The following VPS8 variants were observed in gnomAD, a reference collection of about 807,000 sequenced individuals.
The protein encoded by VPS8 is VPS8 subunit of CORVET complex.
VPS8 carries 129 observed loss-of-function variants against 216.4 expected under a neutral mutation model. The ratio of observed to expected loss-of-function variants is 0.60; its 90% CI spans 0.52 to 0.69. The LOEUF is 0.69. Among genes scored for constraint, VPS8 ranks in the 30% least tolerant of loss-of-function variants. The pLI is 0.00. For missense variants in VPS8, 1,531 were observed against 1,683.5 expected, an observed-to-expected ratio of 0.91 and a Z score of 1.59; for synonymous variants, 571 against 565.4, an observed-to-expected ratio of 1.01 and a Z score of -0.14.
intron 45 of VPS8, among the ~76,000 whole-genome samples, chr3:185,005,744 A>AT (rs1201762490): frequency 2.6e-5 from 4 of 151,668 alleles, no homozygotes; most frequent in East Asian, 1.9e-4. Context: ...GGGTATGTTA[A>AT]TTTTTTATCC....
intron 25 of VPS8, among the ~76,000 whole-genome samples, chr3:184,904,266 C>G (rs1239951899): frequency 1.3e-5 from 2 of 152,106 alleles, no homozygotes; most frequent in Non-Finnish European, 2.9e-5. Flanking sequence ...CAGTGTTGAA[C>G]AGAAGTGGCA....
intron 3 of VPS8, among the ~76,000 whole-genome samples, chr3:184,829,593 A>G (rs540181159): frequency 1.5e-4 from 23 of 152,248 alleles, no homozygotes; most frequent in Middle Eastern, 3.4e-3. Context: ...CAGCTTTGGT[A>G]TATATTGGCA....
At chr3:185,027,849 G>A (rs548431445) in intron 46 of VPS8, among the ~76,000 whole-genome samples, 4 of 152,228 alleles carry the variant, frequency 2.6e-5, no homozygotes, top group South Asian at 2.1e-4. Flanking sequence ...CAAGTGGCCC[G>A]GGCAGCATTC....
At chr3:184,980,667 A>G (rs531392742) in intron 40 of VPS8, among the ~76,000 whole-genome samples, 28 of 152,256 alleles carry the variant, frequency 1.8e-4, no homozygotes, top group African/African-American at 6.0e-4. Context: ...CAGCTCTAAC[A>G]GATCAGTTTG....
chr3:184,890,262 A>G (rs746239218), intron 22 of VPS8, among the ~76,000 whole-genome samples: 3 of 152,200 alleles, frequency 2.0e-5, no homozygotes, highest in Non-Finnish European at 4.4e-5. Context: ...GCTTTAAGGA[A>G]TGCTCAGATT....
intron 35 of VPS8, among the ~76,000 whole-genome samples, chr3:184,938,452 G>A (rs1355647376): frequency 1.3e-5 from 2 of 152,048 alleles, no homozygotes; most frequent in South Asian, 2.1e-4. Flanking sequence ...AGTAGTACAC[G>A]GAAGGACATG....
At chr3:184,927,762 T>C (rs1329529140) in intron 31 of VPS8, among the ~76,000 whole-genome samples, 3 of 152,158 alleles carry the variant, frequency 2.0e-5, no homozygotes, top group African/African-American at 7.2e-5. Context: ...CAGCCCTTAG[T>C]AACTACCAGT....
At chr3:184,962,761 G>GTGTT (rs1553886742) in intron 37 of VPS8, among the ~76,000 whole-genome samples, 12 of 93,012 alleles carry the variant, frequency 1.3e-4, no homozygotes, top group African/African-American at 3.6e-4. Flanking sequence ...GTGTGTGTGT[G>GTGTT]TGTGTCTTAT....
chr3:184,885,968 TA>T, intron 21 of VPS8, 141 bp from the exon 22 acceptor site: 1 of 815,830 alleles, frequency 1.2e-6, no homozygotes, highest in Non-Finnish European at 1.9e-6. Flanking sequence ...CTTTGACACA[TA>T]ATGCCAAATT....
chr3:185,015,022 C>A (rs1176114076), intron 45 of VPS8, among the ~76,000 whole-genome samples: 2 of 152,248 alleles, frequency 1.3e-5, no homozygotes, highest in African/African-American at 4.8e-5. Flanking sequence ...ACATGTATGA[C>A]ATCCATTAGC....
chr3:184,925,768 C>A (rs1205183624), intron 30 of VPS8, among the ~76,000 whole-genome samples: 10 of 148,352 alleles, frequency 6.7e-5, no homozygotes, highest in African/African-American at 2.6e-4. Context: ...TCTTTTCTCT[C>A]TCTATTTTTT....
chr3:184,943,326 G>A (rs1324778068), intron 36 of VPS8, among the ~76,000 whole-genome samples: 2 of 152,186 alleles, frequency 1.3e-5, no homozygotes, highest in Non-Finnish European at 2.9e-5. Flanking sequence ...GACCTCAAGG[G>A]TAAGAAGAAA....
chr3:184,875,517 C>T (rs1228866858), intron 21 of VPS8, among the ~76,000 whole-genome samples: 1 of 152,078 alleles, frequency 6.6e-6, no homozygotes, highest in Non-Finnish European at 1.5e-5. Context: ...CTGTCTCATA[C>T]ATCTTGAGAC....
At chr3:185,013,416 A>G (rs1399018123) in intron 45 of VPS8, among the ~76,000 whole-genome samples, 1 of 152,266 alleles carries the variant, frequency 6.6e-6, no homozygotes, top group Non-Finnish European at 1.5e-5. Context: ...AAGCACAAAC[A>G]TCATTGAAAT....
chr3:184,864,782 C>G (rs1203504078), intron 16 of VPS8, among the ~76,000 whole-genome samples: 1 of 152,090 alleles, frequency 6.6e-6, no homozygotes, highest in African/African-American at 2.4e-5. Context: ...ATCCAGAAAC[C>G]AACAAGGTAA....
At chr3:185,017,501 C>T (rs6763340) in intron 45 of VPS8, among the ~76,000 whole-genome samples, 137,074 of 152,208 alleles carry the variant, frequency 0.9, 62,797 homozygotes, top group Non-Finnish European at 0.98. Flanking sequence ...GGAGCTGTGC[C>T]ATACACTGTC....
At chr3:184,858,650 G>A (rs1374357450) in intron 14 of VPS8, among the ~76,000 whole-genome samples, 2 of 152,196 alleles carry the variant, frequency 1.3e-5, no homozygotes, top group Non-Finnish European at 2.9e-5. Context: ...GGACTCTCTG[G>A]TGAAGCTTTC....
At chr3:184,820,867 A>G (rs920118354) in intron 1 of VPS8, among the ~76,000 whole-genome samples, 3 of 152,192 alleles carry the variant, frequency 2.0e-5, no homozygotes, top group Non-Finnish European at 4.4e-5. Context: ...CTTCTGTTAT[A>G]ATTAAAGTTT....
intron 45 of VPS8, among the ~76,000 whole-genome samples, chr3:185,013,108 C>T (rs970500095): frequency 6.6e-6 from 1 of 152,174 alleles, no homozygotes; most frequent in Non-Finnish European, 1.5e-5. Flanking sequence ...GGTTTAAGAA[C>T]ACCTTAAGCG....
Sources: allele counts gnomAD v4.1 joint callset (sites outside exome capture counted in the v4.1 genomes callset), GRCh38; gene constraint gnomAD v4.1.1; transcripts MANE v1.5; gene names NCBI Gene and HGNC (gene_info 2026-07-23, HGNC 2026-07-21).